Variants in CD163L1 observed in about 807,000 individuals in gnomAD.
CD163L1 encodes the protein scavenger receptor cysteine-rich type 1 protein M160.
Under a neutral mutation model 165.4 loss-of-function variants are expected in CD163L1, and 124 were observed. That is an observed-to-expected ratio of 0.75 (90% CI 0.65 to 0.87). CD163L1 has a LOEUF of 0.87. CD163L1 is among the 40% of genes least tolerant of loss of function. The probability of loss-of-function intolerance (pLI) is 0.00; values close to 1 mark genes in which losing one functional copy is unlikely to be tolerated. For missense variants in CD163L1, 1,525 were observed against 1,799.9 expected (o/e 0.85, Z 2.76); for synonymous variants, 585 against 662.2 (o/e 0.88, Z 1.79).
At chr12:7,442,535 C>G (rs962709919) in intron 1 of CD163L1, among the ~76,000 whole-genome samples, 11 of 152,126 alleles carry the variant, frequency 7.2e-5, no homozygotes, top group African/African-American at 2.4e-4. Context: ...TCAGTCACAT[C>G]CATCATTCTT....
chr12:7,421,508 CAT>C (rs1221688511), intron 4 of CD163L1, among the ~76,000 whole-genome samples: 4 of 78,436 alleles, frequency 5.1e-5, no homozygotes, highest in Non-Finnish European at 8.9e-5. Context: ...TGTACATATA[CAT>C]ATACATATAT....
chr12:7,405,352 C>G (rs1289073940), intron 5 of CD163L1, among the ~76,000 whole-genome samples: 3 of 152,048 alleles, frequency 2.0e-5, no homozygotes, highest in African/African-American at 7.2e-5. Flanking sequence ...GTCTACCTCT[C>G]TTTTCTGTTA....
chr12:7,367,336 G>C lies in CD163L1; in HGVS notation c.4184-5C>G. On this transcript the variant is annotated splice_polypyrimidine_tract_variant and splice_region_variant and intron_variant, in intron 17 of 19. Transcript: ENST00000313599. ...AACCCCTCCTTCTGGTTGAAACTGA[G>C]AATGGATGCTTCATGGTTAGGATTC... 2 of 1,589,036 alleles carry C rather than the reference G, an allele frequency of 1.3e-6. No homozygotes were observed. The highest frequency in any genetic ancestry group is 1.7e-6 in the Non-Finnish European group (2 of 1,157,482).
chr12:7,375,606 A>G lies in CD163L1; in HGVS notation c.2687-11T>C, dbSNP rs1474255869. 3.7e-6 allele frequency: 6 copies of G among 1,611,694 alleles called. No homozygotes were observed. ...GGACATCTGTATATCCTAGGAGGAG[A>G]CAAGGCCATAGAAGAGACATCATGA... is the stretch of plus-strand genomic sequence containing the variant. On this transcript the variant is annotated splice_polypyrimidine_tract_variant and intron_variant, in intron 10 of 19. Coordinates refer to ENST00000313599, the MANE Select transcript of CD163L1 (RefSeq NM_174941.6).
chr12:7,420,229 T>C (rs771078815), intron 4 of CD163L1, among the ~76,000 whole-genome samples: 2 of 151,948 alleles, frequency 1.3e-5, no homozygotes, highest in East Asian at 3.9e-4. Context: ...AAGACTTAAA[T>C]CTAAGACCCG....
chr12:7,424,205 A>T lies in CD163L1; in HGVS notation c.766+8211T>A, dbSNP rs147851241. ...AATCAATAAACGTAATCCATCACAT[A>T]AACAGAACCAGTGACAGAAACCACA... On this transcript the variant is annotated intron_variant, in intron 4 of 19. Transcript: ENST00000313599. Among the ~76,000 whole-genome samples, 1,084 of 152,272 alleles carry T rather than the reference A, an allele frequency of 7.1e-3. 14 individuals are homozygous for T. The highest frequency in any genetic ancestry group is 0.025 in the African/African-American group (1,028 of 41,548).
chr12:7,412,355 C>T (rs1399086360), intron 4 of CD163L1, among the ~76,000 whole-genome samples: 2 of 152,096 alleles, frequency 1.3e-5, no homozygotes, highest in Non-Finnish European at 2.9e-5. Flanking sequence ...GTGGGACACT[C>T]TCATATGCTG....
At chr12:7,403,463 T>C in intron 6 of CD163L1, 72 bp downstream of exon 6, 2 of 1,420,906 alleles carry the variant, frequency 1.4e-6, no homozygotes, top group Non-Finnish European at 9.5e-7. Flanking sequence ...CTTCAAGCTA[T>C]TGTTTCTAAC....
chr12:7,431,099 T>A (rs960405358), intron 4 of CD163L1, among the ~76,000 whole-genome samples: 1 of 152,070 alleles, frequency 6.6e-6, no homozygotes, highest in Non-Finnish European at 1.5e-5. Context: ...GCTTGGTTTA[T>A]ACTGATAGTA....
chr12:7,348,815 T>TG (rs1303895337), intron 4 of CD163L1, among the ~76,000 whole-genome samples: 2 of 133,276 alleles, frequency 1.5e-5, no homozygotes, highest in Non-Finnish European at 1.7e-5. Flanking sequence ...CTTGTTATGT[T>TG]TTTTTTTTTT....
rs1372256623 is a variant in CD163L1 at position 7,375,981 on chromosome 12, A to G, written c.2405T>C (p.Met802Thr). The change falls in exon 10 of 20, where the codon ATG becomes ACG. Residue 802 changes from methionine to threonine, a missense_variant. Met to Thr is a moderately conservative substitution (Grantham distance 81). Coordinates refer to ENST00000313599, the MANE Select transcript of CD163L1 (RefSeq NM_174941.6). The part of the protein sequence containing the change: ...HRQPRLVGAD[M>T]PCSGRVEVKH... ...CACTTCAACACGTCCAGAGCAGGGC[A>G]TATCAGCTCCAACCAGCCTGGGCTG... 1 of 1,614,200 alleles carries G rather than the reference A, an allele frequency of 6.2e-7. No individual in the cohort carries two copies. Among genetic ancestry groups the G allele is most frequent in the South Asian group, 1.1e-5 (1 of 91,086 alleles).
chr12:7,414,548 T>G (rs1157823415), intron 4 of CD163L1, among the ~76,000 whole-genome samples: 1 of 123,698 alleles, frequency 8.1e-6, no homozygotes, highest in African/African-American at 4.1e-5. Flanking sequence ...AATTTAAAAA[T>G]TAATAACTAA....
rs540655124 is a variant in CD163L1 at position 7,392,896 on chromosome 12, C to T, written c.2050+3199G>A. Among the ~76,000 whole-genome samples the T allele has an allele frequency of 3.0e-3, 457 of 152,268 alleles. 2 individuals carry two copies. The highest frequency in any genetic ancestry group is 0.01 in the African/African-American group (435 of 41,560). On this transcript the variant is annotated intron_variant, in intron 8 of 19. Transcript: ENST00000313599. ...GGAAGAAGTTGAATCTCTGAATAGA[C>T]CAATAACTGGCTCTGAAATTGAGCC... is the stretch of plus-strand genomic sequence containing the variant.
the CD163L1 span, among the ~76,000 whole-genome samples, chr12:7,321,062 A>C: frequency 5.2e-4 from 79 of 152,262 alleles, no homozygotes; most frequent in Middle Eastern, 6.8e-3. Context: ...GACACTGCCG[A>C]ATGTCTTCTG....
rs770783241 is a variant in CD163L1 at position 7,374,873 on chromosome 12, A to C, written c.3052T>G (p.Tyr1018Asp). ...CTGCCCTCTGGAACTGCAGACAAAT[A>C]TGGGTCAGATACATTTGCGAGGCAT... Reference protein sequence around the residue: ...FPCLANVSDPYLSAVPEGSAL... With the variant: ...FPCLANVSDPDLSAVPEGSAL... The change falls in exon 12 of 20, where the codon TAT (tyrosine) becomes GAT (aspartate). Residue 1018 changes from tyrosine (Y) to aspartate (D), a missense_variant. Coordinates refer to ENST00000313599, the MANE Select transcript of CD163L1 (RefSeq NM_174941.6). This position sits in a 1 kb window ranked among gnomAD's most constrained non-coding sequence, Gnocchi z 5.4. The C allele has an allele frequency of 6.2e-7, 1 of 1,614,192 alleles. No homozygotes were observed. The highest frequency in any genetic ancestry group is 1.3e-5 in the African/African-American group (1 of 75,054).
At chr12:7,417,973 T>G (rs1220681696) in intron 4 of CD163L1, among the ~76,000 whole-genome samples, 3 of 150,648 alleles carry the variant, frequency 2.0e-5, no homozygotes, top group African/African-American at 7.4e-5. Context: ...TTGATTAAAT[T>G]CTCTAATGAA....
intron 4 of CD163L1, among the ~76,000 whole-genome samples, chr12:7,421,191 A>C (rs1350274092): frequency 7.4e-6 from 1 of 134,868 alleles, no homozygotes; most frequent in East Asian, 2.1e-4. Flanking sequence ...ATATGTGTAT[A>C]TATGTATATA....
chr12:7,342,658 G>A (rs1259026406), downstream of CD163L1, among the ~76,000 whole-genome samples: 2 of 152,156 alleles, frequency 1.3e-5, no homozygotes, highest in Non-Finnish European at 2.9e-5. Context: ...TTGGAGAGGA[G>A]CATGACACTT....
At chr12:7,323,705 G>A in the CD163L1 span, 7 of 713,722 alleles carry the variant, frequency 9.8e-6, no homozygotes, top group Admixed American at 5.5e-5. Context: ...TCACCCAAGA[G>A]TACTGTAAAG....
Sources: allele counts gnomAD v4.1 joint callset (sites outside exome capture counted in the v4.1 genomes callset), GRCh38; gene constraint gnomAD v4.1.1; non-coding constraint Gnocchi (gnomAD v3.1); transcripts MANE v1.5; gene names NCBI Gene and HGNC (gene_info 2026-07-23, HGNC 2026-07-21).